The following LIMCH1 variants were observed in gnomAD, a reference collection of about 807,000 sequenced individuals.
LIMCH1 encodes LIM and calponin homology domains-containing protein 1.
In LIMCH1, 113 loss-of-function variants were observed where a neutral mutation model predicts 176.5. The observed-to-expected ratio is 0.64, with a 90% CI of 0.55 to 0.75. The LOEUF is 0.75. Ranked by LOEUF, LIMCH1 falls within the 30% of genes least tolerant of loss-of-function variation. LIMCH1 has a pLI of 0.00. For missense variants in LIMCH1, 1,674 were observed against 1,814.9 expected (o/e 0.92, Z 1.41); for synonymous variants, 619 against 645.9 (o/e 0.96, Z 0.63).
At chr4:41,408,832 GA>G (rs1239305609) in intron 1 of LIMCH1, among the ~76,000 whole-genome samples, 1 of 152,172 alleles carries the variant, frequency 6.6e-6, no homozygotes, top group African/African-American at 2.4e-5. Context: ...TCCAAGAGGG[GA>G]CAACTATTGG....
At chr4:41,452,350 A>T (rs1372417962) in intron 1 of LIMCH1, among the ~76,000 whole-genome samples, 1 of 152,068 alleles carries the variant, frequency 6.6e-6, no homozygotes, top group Non-Finnish European at 1.5e-5. Flanking sequence ...TTCATCACGG[A>T]TACCTAGAAT....
chr4:41,527,821 T>A (rs2076828950), intron 3 of LIMCH1, among the ~76,000 whole-genome samples: 1 of 40,374 alleles, frequency 2.5e-5, no homozygotes, highest in East Asian at 7.5e-4. Context: ...AGACTCCGTC[T>A]CAAAAAAAAA....
intron 25 of LIMCH1, among the ~76,000 whole-genome samples, chr4:41,681,937 G>A (rs987521243): frequency 6.6e-6 from 1 of 152,176 alleles, no homozygotes; most frequent in Non-Finnish European, 1.5e-5. Flanking sequence ...TATAAAGTCT[G>A]GTCTGCCTCC....
chr4:41,544,557 T>C (rs906102220), intron 1 of LIMCH1, among the ~76,000 whole-genome samples: 3 of 152,144 alleles, frequency 2.0e-5, no homozygotes. Flanking sequence ...CCCTAATTAT[T>C]CCATTACCTA....
intron 1 of LIMCH1, among the ~76,000 whole-genome samples, chr4:41,411,796 A>G (rs1279543880): frequency 6.6e-6 from 1 of 151,810 alleles, no homozygotes; most frequent in East Asian, 1.9e-4. Context: ...TGTTTCTACT[A>G]AAAATACAAA....
intron 1 of LIMCH1, among the ~76,000 whole-genome samples, chr4:41,565,386 C>G (rs1056341899): frequency 1.4e-5 from 2 of 139,634 alleles, no homozygotes; most frequent in Admixed American, 7.2e-5. Flanking sequence ...CACACACATA[C>G]ACACACACAC....
chr4:41,413,951 G>C (rs13118219), intron 1 of LIMCH1, among the ~76,000 whole-genome samples: 19,426 of 152,156 alleles, frequency 0.13, 1,482 homozygotes, highest in Admixed American at 0.21. Flanking sequence ...GACCTTAAAG[G>C]GGGGCAGGGG....
At chr4:41,530,597 A>G (rs373174697) in intron 3 of LIMCH1, among the ~76,000 whole-genome samples, 2 of 152,108 alleles carry the variant, frequency 1.3e-5, no homozygotes, top group African/African-American at 4.8e-5. Context: ...ACCTGAGGTC[A>G]GGAGTTCGAG....
intron 1 of LIMCH1, among the ~76,000 whole-genome samples, chr4:41,361,977 T>G (rs1231937805): frequency 6.6e-6 from 1 of 152,178 alleles, no homozygotes; most frequent in Non-Finnish European, 1.5e-5. Flanking sequence ...CGCTAAATCA[T>G]GACCCAGCAA....
In LIMCH1 at chr4:41,615,343, T is replaced by C. The variant is rs192014867; in HGVS notation, c.205+1682T>C. On this transcript the variant is annotated intron_variant, in intron 5 of 31. Transcript: ENST00000503057. ...TTAAACGAATCACATCTTGAAGGGA[T>C]TGGAGGTGGTGATTACTAATATTAT... is the stretch of plus-strand genomic sequence containing the variant. 3.3e-3 allele frequency among the ~76,000 whole-genome samples: 495 copies of C among 152,262 alleles called. 4 individuals carry two copies. Among genetic ancestry groups the C allele is most frequent in the South Asian group, 0.019 (90 of 4,824 alleles).
chr4:41,611,856 A>C (rs1025526095), intron 4 of LIMCH1, among the ~76,000 whole-genome samples: 2 of 152,216 alleles, frequency 1.3e-5, no homozygotes, highest in African/African-American at 4.8e-5. Context: ...TTAAATATGA[A>C]ACCATATCCA....
chr4:41,624,580 G>A (rs1389884228), intron 7 of LIMCH1, among the ~76,000 whole-genome samples: 13 of 146,746 alleles, frequency 8.9e-5, no homozygotes, highest in Admixed American at 7.4e-4. Flanking sequence ...CTTGTGCACC[G>A]ACCAAATAGC....
At chr4:41,400,530 A>G (rs1027424574) in intron 1 of LIMCH1, among the ~76,000 whole-genome samples, 2 of 151,944 alleles carry the variant, frequency 1.3e-5, no homozygotes, top group African/African-American at 4.8e-5. Context: ...TCTGTTTTGT[A>G]CTCTCTCTCT....
At chr4:41,436,578 G>T (rs961730429) in intron 1 of LIMCH1, among the ~76,000 whole-genome samples, 1 of 152,142 alleles carries the variant, frequency 6.6e-6, no homozygotes, top group Non-Finnish European at 1.5e-5. Flanking sequence ...TTATCATCGG[G>T]ATTGTAGAAG....
intron 18 of LIMCH1, among the ~76,000 whole-genome samples, chr4:41,655,823 C>G (rs2094448556): frequency 6.6e-6 from 1 of 152,050 alleles, no homozygotes; most frequent in African/African-American, 2.4e-5. Context: ...GCCACCATGC[C>G]TGGCCCTTCC....
chr4:41,498,711 G>T lies in LIMCH1; in HGVS notation c.167+4105G>T, dbSNP rs562930095. On this transcript the variant is annotated intron_variant, in intron 2 of 26. Transcript: ENST00000313860. ...TAGTCTTTAAAGAAGCTACTCCCAG[G>T]TTGGAGTCATTAGCAGATGATATTC... Among the ~76,000 whole-genome samples, 55 of 152,334 alleles carry T rather than the reference G, an allele frequency of 3.6e-4. No homozygotes were observed. In the East Asian group the frequency reaches 6.6e-3, roughly 18 times the overall value.
intron 1 of LIMCH1, among the ~76,000 whole-genome samples, chr4:41,371,736 C>T (rs1470096211): frequency 6.6e-6 from 1 of 152,178 alleles, no homozygotes; most frequent in East Asian, 1.9e-4. Context: ...GCTCCTGAGT[C>T]CCCACATAGT....
chr4:41,604,029 G>T, intron 3 of LIMCH1, 124 bp downstream of exon 3: 1 of 958,088 alleles, frequency 1.0e-6, no homozygotes, highest in Admixed American at 2.5e-5. Context: ...GTATTTCATA[G>T]AATAGTTAAT....
At chr4:41,609,541 A>G (rs2091170348) in intron 4 of LIMCH1, 1 of 422,204 alleles carries the variant, frequency 2.4e-6, no homozygotes, top group Non-Finnish European at 4.7e-6. Context: ...TCACAAAGGG[A>G]GCAGAAAATG....
Sources: gnomAD v4.1 joint callset for allele counts (sites outside exome capture counted in the v4.1 genomes callset) on GRCh38, gnomAD v4.1.1 for gene constraint, MANE v1.5 for transcripts, NCBI Gene and HGNC (gene_info 2026-07-23, HGNC 2026-07-21) for gene names.